The following KMT2D variants were observed in gnomAD, a reference collection of about 807,000 sequenced individuals.
The protein encoded by KMT2D is lysine methyltransferase 2D, also known as histone-lysine N-methyltransferase 2D.
A neutral mutation model predicts 512.7 loss-of-function variants in KMT2D; 55 were observed. The ratio of observed to expected loss-of-function variants is 0.11; its 90% CI spans 0.09 to 0.13. The LOEUF (loss-of-function observed/expected upper bound fraction) is 0.13, where lower values mean the gene tolerates loss of function less well. KMT2D is among the 10% of genes least tolerant of loss of function. KMT2D has a pLI of 1.00. For missense variants in KMT2D, 6,061 were observed against 7,127.9 expected (o/e 0.85, Z 5.39); for synonymous variants, 2,995 against 2,904.0 (o/e 1.03, Z -1.01).
At position 49,020,668 on chromosome 12, in the gene KMT2D, G is replaced by C; in HGVS notation, c.*1112C>G. ...GCAGCAGTTTGGTGACTGAGGGAAA[G>C]TGGGAGCTCCGGGCCACACCCTGCC... On this transcript the variant is annotated 3_prime_UTR_variant, in exon 55 of 55. Transcript: ENST00000301067. The C allele has an allele frequency of 5.2e-6, 1 of 191,758 alleles. No homozygotes were observed. The highest frequency in any genetic ancestry group is 8.1e-5 in the East Asian group (1 of 12,400). 11.9% of individuals were successfully genotyped at this position (191,758 alleles called of 1,614,324 possible). A position where few individuals can be genotyped will look rare whatever the true frequency, so the allele number is the denominator to read the frequency against.
chr12:49,029,192 G>C lies in KMT2D; in HGVS notation c.14120C>G (p.Pro4707Arg), dbSNP rs2120393563. ...EDSDSPDSIV[P>R]ASSPESILGE... Reference sequence around the variant, plus strand: ...CAAGATGCTCTCAGGGGATGAAGCTGGCACAATGCTGTCAGGAGAATCGCT... The same window carrying C: ...CAAGATGCTCTCAGGGGATGAAGCTCGCACAATGCTGTCAGGAGAATCGCT... Residue 4707 changes from proline (P) to arginine (R), a missense_variant, in exon 45 of 55, where the codon CCA becomes CGA. By Grantham distance (103) the Pro-to-Arg change is moderately radical (BLOSUM62 -2). Coordinates refer to ENST00000301067, the MANE Select transcript of KMT2D (RefSeq NM_003482.4). 6.2e-7 allele frequency: 1 copy of C among 1,613,926 alleles called. No individual in the cohort carries two copies. Among genetic ancestry groups the C allele is most frequent in the African/African-American group, 1.3e-5 (1 of 75,046 alleles).
rs1350562949 is a variant in KMT2D, at chr12:49,022,911, C to T, written c.16053-36G>A. 6.5e-7 allele frequency: 1 copy of T among 1,534,750 alleles called. No individual in the cohort carries two copies. The highest frequency in any genetic ancestry group is 8.8e-7 in the Non-Finnish European group (1 of 1,136,448). ...ATATAATCCATGACAAGACAGCTCTCCCTCAGACCAAGTACATACCACCCA... is the reference window on the plus strand; with the variant it reads ...ATATAATCCATGACAAGACAGCTCTTCCTCAGACCAAGTACATACCACCCA... On this transcript the variant is annotated intron_variant, in intron 51 of 54. Transcript: ENST00000301067. The surrounding 1 kb of genome is among the most constrained non-coding windows in gnomAD (Gnocchi z 8.6).
chr12:49,029,248 A>G lies in KMT2D; in HGVS notation c.14076-12T>C, dbSNP rs2120395099. On this transcript the variant is annotated splice_polypyrimidine_tract_variant and intron_variant, in intron 44 of 54. Coordinates refer to ENST00000301067, the MANE Select transcript of KMT2D (RefSeq NM_003482.4). ...CATCACTCTCCATCCTGGGGACCAA[A>G]AGTAGACATTTGTTGCTACAGCCCT... 1 of 1,608,560 alleles carries G rather than the reference A, an allele frequency of 6.2e-7. No individual in the cohort carries two copies. The highest frequency in any genetic ancestry group is 8.5e-7 in the Non-Finnish European group (1 of 1,175,332).
rs538340557 is a variant in KMT2D, at chr12:49,060,298, G to A, written c.-723C>T. ...GGAAGGGAGGAGGCTAGGTAGGCGA[G>A]GAAAAGGAAGGGGCGGGCGGTGCGA... On this transcript the variant is annotated 5_prime_UTR_variant, in exon 1 of 55. Transcript: ENST00000301067. Among the ~76,000 whole-genome samples, 1 of 152,198 alleles carries A rather than the reference G, an allele frequency of 6.6e-6. No individual in the cohort carries two copies. Among genetic ancestry groups the A allele is most frequent in the South Asian group, 2.1e-4 (1 of 4,832 alleles).
At chr12:49,036,478 ATTTTTTTTTTTT>A (rs34412400) in intron 35 of KMT2D, among the ~76,000 whole-genome samples, 3 of 73,390 alleles carry the variant, frequency 4.1e-5, no homozygotes, top group African/African-American at 5.6e-5. Flanking sequence ...CACCCAGCTA[ATTTTTTTTTTTT>A]TTTTTTTTTT....
Position 49,044,480 on chromosome 12 carries a change from G to A in KMT2D, c.5006C>T (p.Pro1669Leu), listed in dbSNP as rs757380831. The change falls in exon 21 of 55, where the codon CCC becomes CTC. Residue 1669 changes from proline (P) to leucine (L), a missense_variant. This residue lies in a region of KMT2D where 640 missense variants were observed against 814.3 expected (regional missense o/e 0.79). Coordinates refer to ENST00000301067, the MANE Select transcript of KMT2D (RefSeq NM_003482.4). The surrounding 1 kb of genome is among the most constrained non-coding windows in gnomAD (Gnocchi z 6.4). ...HMECEIKLEG[P>L]VSPDVEPGKE... Reference sequence around the variant, plus strand: ...GCCAGGCTCCACATCAGGGCTGACGGGGCCCTCCAGTTTAATTTCGCACTC... The same window carrying A: ...GCCAGGCTCCACATCAGGGCTGACGAGGCCCTCCAGTTTAATTTCGCACTC... The A allele has an allele frequency of 6.2e-7, 1 of 1,613,980 alleles. No individual in the cohort carries two copies. Among genetic ancestry groups the A allele is most frequent in the South Asian group, 1.1e-5 (1 of 91,090 alleles).
In KMT2D at chr12:49,045,904, A is replaced by C. The variant is rs887423824; in HGVS notation, c.4741+16T>G. 1.2e-6 allele frequency: 2 copies of C among 1,610,232 alleles called. No individual in the cohort carries two copies. Among genetic ancestry groups the C allele is most frequent in the Non-Finnish European group, 1.7e-6 (2 of 1,176,514 alleles). On this transcript the variant is annotated intron_variant, in intron 19 of 54. Transcript: ENST00000301067. ...CGTCTGGTCTGGCTTTGGCATTCAA[A>C]ATTTCTGTGACTCACCTGGCTCTTT... is the stretch of plus-strand genomic sequence containing the variant.
intron 13 of KMT2D, among the ~76,000 whole-genome samples, 157 bp downstream of exon 13, chr12:49,048,948 T>A (rs916806622): frequency 6.6e-6 from 1 of 152,182 alleles, no homozygotes; most frequent in Non-Finnish European, 1.5e-5. Flanking sequence ...TAGCAGAGAT[T>A]TCAGAAAAAC....
Position 49,030,727 on chromosome 12 carries a change from G to T in KMT2D, c.13713C>A (p.Ala4571=), listed in dbSNP as rs562948828. Residue 4571 remains alanine, a synonymous_variant, in exon 42 of 55, where the codon GCC becomes GCA. Transcript: ENST00000301067. ...CAAAGGGGGCAAAGAGGCTAAAATT[G>T]GCGGTGATAGCAGGCTCCGTTAGGG... The part of the protein sequence containing the change: ...LLPLTEPAIT[A]NFSLFAPFGS... The T allele has an allele frequency of 1.2e-6, 2 of 1,613,726 alleles. No individual in the cohort carries two copies. The highest frequency in any genetic ancestry group is 2.2e-5 in the South Asian group (2 of 91,084).
At chr12:49,023,188 C>CT (rs1942410309) in intron 51 of KMT2D, among the ~76,000 whole-genome samples, 1 of 152,138 alleles carries the variant, frequency 6.6e-6, no homozygotes, top group African/African-American at 2.4e-5. Flanking sequence ...CTCCCACTTC[C>CT]TACCACTCTC....
rs752358652 is a variant in KMT2D at position 49,051,148 on chromosome 12, C to T, written c.2535G>A (p.Arg845=). ...PQSEEPCLSP[R]PEESHLSPEL... The stretch of plus-strand genomic sequence containing the variant: ...CAGGGGACAGATGCGATTCCTCAGG[C>T]CGGGGGGACAGGCATGGCTCCTCAG... Residue 845 remains arginine, a synonymous_variant, in exon 11 of 55, where the codon CGG becomes CGA. Coordinates refer to ENST00000301067, the MANE Select transcript of KMT2D (RefSeq NM_003482.4). 12 of 1,517,246 alleles carry T rather than the reference C, an allele frequency of 7.9e-6. No homozygotes were observed. The highest frequency in any genetic ancestry group is 1.1e-5 in the Non-Finnish European group (12 of 1,131,890). The allele number at this position is 1,517,246 out of a possible 1,614,324, so 94.0% of individuals were successfully genotyped here.
In KMT2D at chr12:49,044,876, G is replaced by A. The variant is rs780961989; in HGVS notation, c.4831C>T (p.Arg1611Trp). The A allele has an allele frequency of 3.7e-6, 6 of 1,613,902 alleles. No homozygotes were observed. Among genetic ancestry groups the A allele is most frequent in the African/African-American group, 2.7e-5 (2 of 74,928 alleles). ...CCAAGCCGTCCTCGCCGTTGGCGCC[G>A]CTTGTGCAGTGGTGACATGGTCAGG... Reference protein sequence around the residue: ...RNLTMSPLHKRRQRRGRLGLP... With the variant: ...RNLTMSPLHKWRQRRGRLGLP... Residue 1611 changes from arginine to tryptophan, a missense_variant, in exon 20 of 55, where the codon CGG (arginine) becomes TGG (tryptophan). Physicochemically the swap from Arg to Trp is moderately radical, Grantham distance 101. Transcript: ENST00000301067. This position sits in a 1 kb window ranked among gnomAD's most constrained non-coding sequence, Gnocchi z 6.4.
Position 49,029,135 on chromosome 12 carries a change from C to A in KMT2D, c.14177G>T (p.Gly4726Val), listed in dbSNP as rs748432945. The change falls in exon 45 of 55, where the codon GGC (glycine) becomes GTC (valine). Residue 4726 changes from glycine (G) to valine (V), a missense_variant. Gly to Val is a moderately radical substitution (Grantham distance 109). This residue lies in a region of KMT2D where 1,600 missense variants were observed against 1,754.9 expected (regional missense o/e 0.91). Coordinates refer to ENST00000301067, the MANE Select transcript of KMT2D (RefSeq NM_003482.4). ...GTCCTCTTGCTCCCACCGGCCTGAG[C>A]CCAGATGAGGGAAACGAGGGGCCTC... is the stretch of plus-strand genomic sequence containing the variant. ...GEEAPRFPHL[G>V]SGRWEQEDRA... 1 of 1,613,734 alleles carries A rather than the reference C, an allele frequency of 6.2e-7. No homozygotes were observed. Among genetic ancestry groups the A allele is most frequent in the East Asian group, 2.2e-5 (1 of 44,870 alleles).
intron 15 of KMT2D, among the ~76,000 whole-genome samples, chr12:49,047,392 T>G (rs12310024): frequency 0.06 from 8,690 of 144,046 alleles, 424 homozygotes; most frequent in African/African-American, 0.13. Flanking sequence ...CCGAATTAGG[T>G]CCCCCAGTTT....
chr12:49,056,070 TAG>T (rs1938389299), intron 1 of KMT2D, among the ~76,000 whole-genome samples: 1 of 152,222 alleles, frequency 6.6e-6, no homozygotes, highest in South Asian at 2.1e-4. Flanking sequence ...TCATTGCCCT[TAG>T]CAACACCAAC....
rs754864555 is a variant in KMT2D at position 49,053,047 on chromosome 12, C to A, written c.980G>T (p.Gly327Val). 10 of 1,614,050 alleles carry A rather than the reference C, an allele frequency of 6.2e-6. No homozygotes were observed. In the South Asian group the frequency reaches 1.1e-4, roughly 18 times the overall value. The change falls in exon 9 of 55, where the codon GGG (glycine) becomes GTG (valine). Residue 327 changes from glycine (G) to valine (V), a missense_variant. By Grantham distance (109) the Gly-to-Val change is moderately radical. This residue lies in a region of KMT2D where 848 missense variants were observed against 838.5 expected (regional missense o/e 1.01). Transcript: ENST00000301067. ...GGGATTCAGTTCTGCTGAGCCCGCC[C>A]CACAGGCCCGGCACACCCGGCACGC... ...CKACRVCRAC[G>V]AGSAELNPNS...
At position 49,039,185 on chromosome 12, in the gene KMT2D, C is replaced by T; in HGVS notation, c.8366+37G>A. ...TTCCAACAGTGATAAAATCCATCCC[C>T]CTTGGTTTACCCCCAGGGAACCTCC... On this transcript the variant is annotated intron_variant, in intron 34 of 54. Transcript: ENST00000301067. This position sits in a 1 kb window ranked among gnomAD's most constrained non-coding sequence, Gnocchi z 5.0. 1 of 1,610,744 alleles carries T rather than the reference C, an allele frequency of 6.2e-7. No individual in the cohort carries two copies. The highest frequency in any genetic ancestry group is 8.5e-7 in the Non-Finnish European group (1 of 1,178,506).
rs372263842 is a variant in KMT2D at position 49,046,836 on chromosome 12, G to C, written c.4237-46C>G. 1.3e-5 allele frequency: 20 copies of C among 1,535,098 alleles called. No individual in the cohort carries two copies. The highest frequency in any genetic ancestry group is 1.7e-5 in the Non-Finnish European group (19 of 1,128,556). On this transcript the variant is annotated intron_variant, in intron 15 of 54. Coordinates refer to ENST00000301067, the MANE Select transcript of KMT2D (RefSeq NM_003482.4). The surrounding 1 kb of genome is among the most constrained non-coding windows in gnomAD (Gnocchi z 4.2). Reference sequence around the variant, plus strand: ...TTCTCAGGGTGTGAGGTGGAAAAGAGGTAGAACTTCTTTTTATTTTTTTTT... The same window carrying C: ...TTCTCAGGGTGTGAGGTGGAAAAGACGTAGAACTTCTTTTTATTTTTTTTT...
intron 1 of KMT2D, among the ~76,000 whole-genome samples, chr12:49,059,321 TCGAGCTCC>T (rs2120730678): frequency 6.6e-6 from 1 of 152,152 alleles, no homozygotes; most frequent in Admixed American, 6.5e-5. Context: ...CCTAGTTTAG[TCGAGCTCC>T]CCCAACACAA....
Sources: gnomAD v4.1 joint callset for allele counts (sites outside exome capture counted in the v4.1 genomes callset) on GRCh38, gnomAD v4.1.1 for gene constraint, gnomAD v4.1.1 regional missense constraint, Gnocchi (gnomAD v3.1) non-coding constraint, MANE v1.5 for transcripts, NCBI Gene and HGNC (gene_info 2026-07-23, HGNC 2026-07-21) for gene names.